PDXDC1: variants seen among roughly 807,000 people sequenced by gnomAD.
PDXDC1 encodes the protein pyridoxal dependent decarboxylase domain containing 1, also known as pyridoxal-dependent decarboxylase domain-containing protein 1.
PDXDC1 carries 42 observed loss-of-function variants against 100.1 expected under a neutral mutation model. That is an observed-to-expected ratio of 0.42 (90% confidence interval 0.33 to 0.54). The LOEUF (loss-of-function observed/expected upper bound fraction) is 0.54, where lower values mean the gene tolerates loss of function less well. Among genes scored for constraint, PDXDC1 ranks in the 20% least tolerant of loss-of-function variants. PDXDC1 has a pLI of 0.10. For missense variants in PDXDC1, 636 were observed against 979.2 expected (o/e 0.65, Z 4.68); for synonymous variants, 260 against 371.7 (o/e 0.70, Z 3.46).
chr16:15,127,710 C>T (rs2047817113), intron 16 of PDXDC1: 1 of 1,490,120 alleles, frequency 6.7e-7, no homozygotes, highest in Admixed American at 2.0e-5. Context: ...CACCAACAGC[C>T]CCGTACCACA....
chr16:15,036,048 T>G lies in PDXDC1; in HGVS notation c.2140T>G (p.Ser714Ala). 1 of 1,614,150 alleles carries G rather than the reference T, an allele frequency of 6.2e-7. No homozygotes were observed. Among genetic ancestry groups the G allele is most frequent in the Non-Finnish European group, 8.5e-7 (1 of 1,180,016 alleles). The change falls in exon 23 of 23, where the codon TCA (serine) becomes GCA (alanine). Residue 714 changes from serine (S) to alanine (A), a missense_variant. Transcript: ENST00000396410. ...QKPFKRSLRG[S>A]DALSETSSVS... ...GCCTTTTAAAAGGTCCCTGCGAGGTTCAGATGCTTTGAGTGAGACCAGCTC... is the reference window on the plus strand; with the variant it reads ...GCCTTTTAAAAGGTCCCTGCGAGGTGCAGATGCTTTGAGTGAGACCAGCTC...
intron 16 of PDXDC1, chr16:15,084,563 T>C (rs1172067822): frequency 9.6e-7 from 1 of 1,045,020 alleles, no homozygotes. Flanking sequence ...TTTAATACTA[T>C]TAACATTTTA....
chr16:14,993,527 T>G (rs1366677767), intron 1 of PDXDC1, among the ~76,000 whole-genome samples: 1 of 152,308 alleles, frequency 6.6e-6, no homozygotes, highest in African/African-American at 2.4e-5. Flanking sequence ...CACATTTTCT[T>G]AATCCAGTCT....
In PDXDC1 at chr16:15,111,825, G is replaced by A. The variant is rs2047080492; in HGVS notation, c.1400-27054G>A. Among the ~76,000 whole-genome samples the A allele has an allele frequency of 2.0e-5, 3 of 148,708 alleles. No individual in the cohort carries two copies. In the South Asian group the frequency reaches 6.4e-4, roughly 32 times the overall value. ...CAACTGAACTGTACACTTCAACACG[G>A]TTAGATGGTAATTATCATCTTGTAA... On this transcript the variant is annotated intron_variant, in intron 16 of 16. Coordinates refer to the PDXDC1 transcript ENST00000535621.
chr16:15,005,605 C>G (rs1329870822), intron 5 of PDXDC1, among the ~76,000 whole-genome samples: 2 of 152,292 alleles, frequency 1.3e-5, no homozygotes, highest in Non-Finnish European at 1.5e-5. Context: ...TTCTGTTGTT[C>G]TAGTAAAAAT....
At chr16:15,140,094 T>TAA (rs1237379565), downstream of PDXDC1, among the ~76,000 whole-genome samples, 3 of 4,402 alleles carry the variant, frequency 6.8e-4, no homozygotes, top group African/African-American at 1.2e-3. Context: ...AGACTCCATC[T>TAA]CAAAAAAAAA....
intron 16 of PDXDC1, chr16:15,047,103 G>T: frequency 3.2e-6 from 1 of 308,244 alleles, no homozygotes; most frequent in South Asian, 4.3e-5. Flanking sequence ...CATTTAACAA[G>T]CAACTGCGGG....
In PDXDC1 at chr16:15,127,511, A is replaced by G; in HGVS notation, c.1400-11368A>G. On this transcript the variant is annotated intron_variant, in intron 16 of 16. Transcript: ENST00000535621. ...CAGAAGAGAAAGAGGATGGCCAGGT[A>G]GACGGGATAGACAACCACGCTGGAC... 2.6e-6 allele frequency: 4 copies of G among 1,543,368 alleles called. No homozygotes were observed. In the South Asian group the frequency reaches 3.5e-5, roughly 13 times the overall value.
intron 16 of PDXDC1, among the ~76,000 whole-genome samples, chr16:15,081,917 C>G (rs1392877047): frequency 3.3e-5 from 5 of 152,138 alleles, no homozygotes; most frequent in Non-Finnish European, 7.4e-5. Context: ...TGACTATTCT[C>G]CCCTATTCAA....
intron 13 of PDXDC1, chr16:15,025,749 C>G (rs1393841807): frequency 3.3e-5 from 5 of 153,312 alleles, no homozygotes; most frequent in Non-Finnish European, 5.8e-5. Context: ...GATCTTCCCC[C>G]TCCAGGGCCA....
chr16:15,034,203 T>C, intron 19 of PDXDC1, 83 bp from the exon 20 acceptor site: 1 of 1,169,488 alleles, frequency 8.6e-7, no homozygotes. Flanking sequence ...TTTTGAAAAA[T>C]TCCCTCAGTG....
chr16:15,005,985 G>A (rs1331918309), intron 5 of PDXDC1, among the ~76,000 whole-genome samples: 4 of 152,412 alleles, frequency 2.6e-5, no homozygotes, highest in Middle Eastern at 3.4e-3. Flanking sequence ...ACCACACCCA[G>A]CCTCTAACTA....
At chr16:15,078,539 T>C (rs2045559259) in intron 16 of PDXDC1, among the ~76,000 whole-genome samples, 1 of 152,140 alleles carries the variant, frequency 6.6e-6, no homozygotes, top group Admixed American at 6.6e-5. Context: ...GCTCTTTTCA[T>C]CTTTCTAAAA....
the PDXDC1 span, among the ~76,000 whole-genome samples, chr16:15,144,909 C>A: frequency 6.6e-6 from 1 of 152,318 alleles, no homozygotes; most frequent in Admixed American, 6.5e-5. Context: ...GTCGGGGCCA[C>A]CCTTCCAGTT....
rs780150325 is a variant in PDXDC1, at chr16:15,061,915, C to T, written c.1399+31859C>T. On this transcript the variant is annotated intron_variant, in intron 16 of 16. Transcript: ENST00000535621. ...CATCTTCCACTATGTCCTGCAGAAA[C>T]ATCAGAAATCATCAGTAACATCACC... 1.3e-5 allele frequency: 21 copies of T among 1,601,698 alleles called. 1 individual carries two copies. The Admixed American group carries it at 3.2e-4, about 24-fold the overall frequency.
intron 16 of PDXDC1, among the ~76,000 whole-genome samples, chr16:15,088,386 G>C (rs983696532): frequency 1.3e-5 from 2 of 151,832 alleles, no homozygotes; most frequent in African/African-American, 4.8e-5. Context: ...AAGATTGCTT[G>C]AGCCTGGGAG....
intron 1 of PDXDC1, among the ~76,000 whole-genome samples, chr16:14,983,252 C>A (rs1968412705): frequency 6.6e-6 from 1 of 152,264 alleles, no homozygotes; most frequent in South Asian, 2.1e-4. Flanking sequence ...TTTAGACTTT[C>A]TTTGTTATAG....
At chr16:15,136,006 G>C (rs2048332210) in intron 16 of PDXDC1, 1 of 1,535,306 alleles carries the variant, frequency 6.5e-7, no homozygotes. Context: ...GTGCTCGGCT[G>C]TGGCTGGGTG....
At chr16:15,048,292 G>A (rs1248722158) in intron 16 of PDXDC1, among the ~76,000 whole-genome samples, 1 of 152,190 alleles carries the variant, frequency 6.6e-6, no homozygotes, top group East Asian at 1.9e-4. Flanking sequence ...AAAACGATGC[G>A]GTTCTGCGCG....
Sources: gnomAD v4.1 joint callset for allele counts (sites outside exome capture counted in the v4.1 genomes callset) on GRCh38, gnomAD v4.1.1 for gene constraint, MANE v1.5 for transcripts, NCBI Gene and HGNC (gene_info 2026-07-23, HGNC 2026-07-21) for gene names.